The following INSR variants were observed in gnomAD, a reference collection of about 807,000 sequenced individuals.
INSR encodes the protein insulin receptor.
In INSR, 67 loss-of-function variants were observed where a neutral mutation model predicts 142.6. The observed-to-expected ratio is 0.47, with a 90% CI of 0.39 to 0.58. The LOEUF (loss-of-function observed/expected upper bound fraction) is 0.58, where lower values mean the gene tolerates loss of function less well. INSR is among the 20% of genes least tolerant of loss of function. The probability of loss-of-function intolerance (pLI) is 0.00; values close to 1 mark genes in which losing one functional copy is unlikely to be tolerated. For missense variants in INSR, 1,248 were observed against 1,833.2 expected (o/e 0.68, Z 5.83); for synonymous variants, 756 against 743.1 (o/e 1.02, Z -0.28).
At chr19:7,246,667 C>A (rs570568761) in intron 2 of INSR, among the ~76,000 whole-genome samples, 33 of 152,274 alleles carry the variant, frequency 2.2e-4, no homozygotes, top group African/African-American at 7.0e-4. Context: ...CATGATTGAA[C>A]GTGGATACAA....
chr19:7,284,225 C>T (rs2145244005), intron 1 of INSR, among the ~76,000 whole-genome samples: 1 of 152,026 alleles, frequency 6.6e-6, no homozygotes, highest in Middle Eastern at 3.4e-3. Flanking sequence ...CCATCACGCC[C>T]AGCTAATTTT....
chr19:7,197,516 G>GTGTGTGTGTGTGTGTGTGTGTGTGTGTGT lies in INSR; in HGVS notation c.653-12880_653-12879insACACACACACACACACACACACACACACA, dbSNP rs1568480264. On this transcript the variant is annotated intron_variant, in intron 2 of 21. Transcript: ENST00000302850. ...TGGCAGGTTCCAGAGTGGGAGTGGGGGTGTGTGTGTGTGTGTGTGTGTGTG... is the reference window on the plus strand; with the variant it reads ...TGGCAGGTTCCAGAGTGGGAGTGGGGTGTGTGTGTGTGTGTGTGTGTGTGTGTGTGTGTGTGTGTGTGTGTGTGTGTGTG... Among the ~76,000 whole-genome samples, 79 of 70,924 alleles carry GTGTGTGTGTGTGTGTGTGTGTGTGTGTGT rather than the reference G, an allele frequency of 1.1e-3. 15 individuals are homozygous for GTGTGTGTGTGTGTGTGTGTGTGTGTGTGT. Among genetic ancestry groups the GTGTGTGTGTGTGTGTGTGTGTGTGTGTGT allele is most frequent in the Admixed American group, 2.1e-3 (14 of 6,820 alleles). The allele number at this position is 70,924 out of a possible 152,430, so 46.5% of individuals were successfully genotyped here.
chr19:7,251,655 C>T (rs984775115), intron 2 of INSR, among the ~76,000 whole-genome samples: 1 of 151,928 alleles, frequency 6.6e-6, no homozygotes, highest in Non-Finnish European at 1.5e-5. Context: ...GTGATGTCTA[C>T]AAAAGACAGG....
chr19:7,201,422 C>T (rs1003279592), intron 2 of INSR, among the ~76,000 whole-genome samples: 7 of 151,874 alleles, frequency 4.6e-5, no homozygotes, highest in African/African-American at 1.7e-4. Context: ...GTCAGGAGTT[C>T]AAGACCAGCC....
chr19:7,153,348 AGAC>A (rs202233087), intron 9 of INSR, among the ~76,000 whole-genome samples: 47 of 5,770 alleles, frequency 8.1e-3, no homozygotes, highest in Non-Finnish European at 0.01. Context: ...CACACACCAC[AGAC>A]CACACACCAC....
At chr19:7,233,245 C>T (rs191262111) in intron 2 of INSR, among the ~76,000 whole-genome samples, 45 of 152,250 alleles carry the variant, frequency 3.0e-4, no homozygotes, top group Non-Finnish European at 4.3e-4. Flanking sequence ...CCACCCACCT[C>T]AGCCTCCCAA....
In INSR at chr19:7,239,301, C is replaced by CG. The variant is rs397821830; in HGVS notation, c.652+28043_652+28044insC. 2.0e-5 allele frequency among the ~76,000 whole-genome samples: 3 copies of CG among 151,602 alleles called. No individual in the cohort carries two copies. The Admixed American group carries it at 2.0e-4, about 10-fold the overall frequency. Reference sequence around the variant, plus strand: ...CCTGAAGAAAAAGGCCCAGCCCCCCCACCCCAAAACAGCTCCCAGGGAAAG... The same window carrying CG: ...CCTGAAGAAAAAGGCCCAGCCCCCCCGACCCCAAAACAGCTCCCAGGGAAAG... On this transcript the variant is annotated intron_variant, in intron 2 of 21. Transcript: ENST00000302850.
In INSR at chr19:7,272,936, G is replaced by A. The variant is rs74882170; in HGVS notation, c.101-5040C>T. ...TGACTCCATTCATACAAAAAAATCC[G>A]AAAGAGGCAAATCCATAGAGACAGA... On this transcript the variant is annotated intron_variant, in intron 1 of 21. Transcript: ENST00000302850. 5.1e-4 allele frequency among the ~76,000 whole-genome samples: 77 copies of A among 152,254 alleles called. 1 individual carries two copies. Among genetic ancestry groups the A allele is most frequent in the Non-Finnish European group, 5.6e-4 (38 of 68,022 alleles).
At chr19:7,217,633 C>G (rs1338351480) in intron 2 of INSR, among the ~76,000 whole-genome samples, 1 of 152,172 alleles carries the variant, frequency 6.6e-6, no homozygotes, top group Non-Finnish European at 1.5e-5. Flanking sequence ...GATCTTGGCT[C>G]ACCGCAAGCT....
intron 4 of INSR, 100 bp from the exon 5 acceptor site, chr19:7,172,534 T>G: frequency 7.8e-7 from 1 of 1,285,540 alleles, no homozygotes; most frequent in Non-Finnish European, 1.1e-6. Flanking sequence ...TGCAAATGAC[T>G]GGACATACCC....
chr19:7,132,314 G>A lies in INSR; in HGVS notation c.2686C>T (p.Leu896=), dbSNP rs1420062986. 1 of 1,613,896 alleles carries A rather than the reference G, an allele frequency of 6.2e-7. No individual in the cohort carries two copies. Among genetic ancestry groups the A allele is most frequent in the Non-Finnish European group, 8.5e-7 (1 of 1,179,968 alleles). ...TGCTTGCGGGAGACGCAGAGATGCA[G>A]CTCCTGGGAGGAAGAGAGGAGGAGA... ...VSYRRYGDEE[L]HLCVSRKHFA... The change falls in exon 14 of 22, where the codon CTG becomes TTG. Residue 896 remains leucine, a synonymous_variant. Coordinates refer to ENST00000302850, the MANE Select transcript of INSR (RefSeq NM_000208.4).
chr19:7,216,771 A>G lies in INSR; in HGVS notation c.653-32134T>C, dbSNP rs1453104227. On this transcript the variant is annotated intron_variant, in intron 2 of 21. Transcript: ENST00000302850. The surrounding 1 kb of genome is among the most constrained non-coding windows in gnomAD (Gnocchi z 4.2). ...GGGTTTCTCACCGTATCCATTTCCC[A>G]TTGCTGCTGTCACAAACGCCCACAA... is the stretch of plus-strand genomic sequence containing the variant. 6.6e-6 allele frequency among the ~76,000 whole-genome samples: 1 copy of G among 152,114 alleles called. No individual in the cohort carries two copies.
intron 2 of INSR, among the ~76,000 whole-genome samples, chr19:7,221,510 C>T (rs1468699478): frequency 2.0e-5 from 3 of 152,100 alleles, no homozygotes; most frequent in Non-Finnish European, 2.9e-5. Context: ...GAGTTCGAGA[C>T]CAGCCTGGCC....
intron 4 of INSR, among the ~76,000 whole-genome samples, chr19:7,173,236 G>C (rs1974059756): frequency 6.6e-6 from 1 of 152,088 alleles, no homozygotes; most frequent in African/African-American, 2.4e-5. Flanking sequence ...TCAAGGTAAG[G>C]ACTTTCCCTT....
chr19:7,215,255 C>T (rs1975398250), intron 2 of INSR, among the ~76,000 whole-genome samples: 1 of 152,164 alleles, frequency 6.6e-6, no homozygotes, highest in Admixed American at 6.6e-5. Flanking sequence ...CCAGGCCTTG[C>T]CCAGATGGTC....
intron 2 of INSR, among the ~76,000 whole-genome samples, chr19:7,259,515 C>T (rs1037647944): frequency 1.3e-5 from 2 of 152,056 alleles, no homozygotes; most frequent in Non-Finnish European, 2.9e-5. Context: ...AAGACAATTC[C>T]GATTGTTAAA....
chr19:7,197,916 A>AGT lies in INSR; in HGVS notation c.653-13280_653-13279insAC, dbSNP rs1333588019. Among the ~76,000 whole-genome samples, 118 of 71,342 alleles carry AGT rather than the reference A, an allele frequency of 1.7e-3. 4 individuals carry two copies. The highest frequency in any genetic ancestry group is 8.5e-3 in the African/African-American group (106 of 12,406). 46.8% of individuals were successfully genotyped at this position (71,342 alleles called of 152,430 possible). ...CCCAGGATTGGTCGGTTCCAGAGTG[A>AGT]GAGTGTGTGTGTGTGTGTGTGTGTG... On this transcript the variant is annotated intron_variant, in intron 2 of 21. Transcript: ENST00000302850.
chr19:7,247,726 A>G (rs1976579088), intron 2 of INSR, among the ~76,000 whole-genome samples: 1 of 152,200 alleles, frequency 6.6e-6, no homozygotes, highest in African/African-American at 2.4e-5. Context: ...CAAGGTCACA[A>G]AACAGATATA....
Position 7,125,562 on chromosome 19 carries a change from G to A in INSR, c.3014-35C>T, listed in dbSNP as rs762315329. Reference sequence around the variant, plus strand: ...ACTTATCTACACAGCATCCTTGGAGGATCCCTTGGGGGTCTGCAGCCACCT... The same window carrying A: ...ACTTATCTACACAGCATCCTTGGAGAATCCCTTGGGGGTCTGCAGCCACCT... On this transcript the variant is annotated intron_variant, in intron 16 of 21. Coordinates refer to ENST00000302850, the MANE Select transcript of INSR (RefSeq NM_000208.4). The surrounding 1 kb of genome is among the most constrained non-coding windows in gnomAD (Gnocchi z 4.9). The A allele has an allele frequency of 1.2e-6, 2 of 1,608,980 alleles. No individual in the cohort carries two copies. The highest frequency in any genetic ancestry group is 1.1e-5 in the South Asian group (1 of 90,980).
Sources: allele counts gnomAD v4.1 joint callset (sites outside exome capture counted in the v4.1 genomes callset), GRCh38; gene constraint gnomAD v4.1.1; non-coding constraint Gnocchi (gnomAD v3.1); transcripts MANE v1.5; gene names NCBI Gene and HGNC (gene_info 2026-07-23, HGNC 2026-07-21).